Variants in POGLUT2 observed in about 807,000 individuals in gnomAD.
POGLUT2 encodes the protein protein O-glucosyltransferase 2, also known as ER protein 58.
Under a neutral mutation model 57.6 loss-of-function variants are expected in POGLUT2, and 47 were observed. The observed-to-expected ratio is 0.82, with a 90% CI of 0.65 to 1.04. POGLUT2 has a LOEUF of 1.04. Ranked by LOEUF, POGLUT2 falls within the 50% of genes least tolerant of loss-of-function variation. POGLUT2 has a pLI of 0.00. For synonymous variants in POGLUT2, 200 were observed against 218.8 expected, an observed-to-expected ratio of 0.91 and a Z score of 0.76; for missense variants, 565 against 614.8, an observed-to-expected ratio of 0.92 and a Z score of 0.86.
intron 9 of POGLUT2, among the ~76,000 whole-genome samples, chr13:102,785,522 C>T (rs560548779): frequency 6.6e-6 from 1 of 150,554 alleles, no homozygotes; most frequent in East Asian, 1.9e-4. Flanking sequence ...TTCCTTCAAA[C>T]AAACAAAAAT....
chr13:102,790,898 T>C lies in POGLUT2; in HGVS notation c.1083+3A>G, dbSNP rs778692858. On this transcript the variant is annotated splice_donor_region_variant and intron_variant, in intron 6 of 9. Transcript: ENST00000376004. ...AAAAGATTAGCTACTGATTAAGTCA[T>C]ACCTTGAAGAAATCAAAAAATGAAA... 2 of 1,550,614 alleles carry C rather than the reference T, an allele frequency of 1.3e-6. No homozygotes were observed. The highest frequency in any genetic ancestry group is 8.9e-7 in the Non-Finnish European group (1 of 1,122,346).
chr13:102,795,908 T>C (rs895050748), intron 2 of POGLUT2, among the ~76,000 whole-genome samples: 1 of 152,260 alleles, frequency 6.6e-6, no homozygotes, highest in Non-Finnish European at 1.5e-5. Context: ...TGCCTTTGTA[T>C]ATACACTGCT....
chr13:102,795,434 G>C (rs1878339870), intron 2 of POGLUT2, among the ~76,000 whole-genome samples: 1 of 152,012 alleles, frequency 6.6e-6, no homozygotes, highest in Non-Finnish European at 1.5e-5. Context: ...ATGGTGGTGA[G>C]TGCCTGTAGT....
chr13:102,793,747 C>T lies in POGLUT2; in HGVS notation c.448G>A (p.Glu150Lys), dbSNP rs1878272534. 1 of 1,614,196 alleles carries T rather than the reference C, an allele frequency of 6.2e-7. No homozygotes were observed. Among genetic ancestry groups the T allele is most frequent in the South Asian group, 1.1e-5 (1 of 91,072 alleles). The change falls in exon 3 of 10, where the codon GAG becomes AAG. Residue 150 changes from glutamate (E) to lysine (K), a missense_variant. Glu to Lys is a moderately conservative substitution (Grantham distance 56). Coordinates refer to ENST00000376004, the MANE Select transcript of POGLUT2 (RefSeq NM_024089.3). Reference protein sequence around the residue: ...PLQDSAAWLREMNCPETIAQI... With the variant: ...PLQDSAAWLRKMNCPETIAQI... ...GCAATGGTTTCAGGGCAGTTCATCT[C>T]CCGTAGCCAGGCTGCACTATCTTGC...
intron 7 of POGLUT2, among the ~76,000 whole-genome samples, chr13:102,788,797 T>C (rs1878054562): frequency 6.6e-6 from 1 of 152,186 alleles, no homozygotes; most frequent in Non-Finnish European, 1.5e-5. Flanking sequence ...AGCTTTTTGT[T>C]TCACATGCAG....
chr13:102,792,221 T>C lies in POGLUT2; in HGVS notation c.673-791A>G, dbSNP rs1383939775. ...TTTTCCATGAGTAGTTTAATCAAGA[T>C]ATACATGCAAATTATTCAACAAATA... is the stretch of plus-strand genomic sequence containing the variant. On this transcript the variant is annotated intron_variant, in intron 4 of 9. Transcript: ENST00000376004. 2.2e-5 allele frequency: 8 copies of C among 365,346 alleles called. No homozygotes were observed. In the East Asian group the frequency reaches 1.3e-3, roughly 60 times the overall value. The allele number at this position is 365,346 out of a possible 1,614,324, so 22.6% of individuals were successfully genotyped here. A position where few individuals can be genotyped will look rare whatever the true frequency, so the allele number is the denominator to read the frequency against.
Position 102,798,621 on chromosome 13 carries a change from G to A in POGLUT2, c.50C>T (p.Ala17Val). 1 of 1,612,040 alleles carries A rather than the reference G, an allele frequency of 6.2e-7. No homozygotes were observed. The highest frequency in any genetic ancestry group is 8.5e-7 in the Non-Finnish European group (1 of 1,179,146). ...CCTTTCTCCGCCGGTCTCGGCGAGTGCTGGAACTGTCGCCAGAAAGAAGCA... is the reference window on the plus strand; with the variant it reads ...CCTTTCTCCGCCGGTCTCGGCGAGTACTGGAACTGTCGCCAGAAAGAAGCA... ...LYCFFLATVP[A>V]LAETGGERQL... The change falls in exon 1 of 10, where the codon GCA (alanine) becomes GTA (valine). Residue 17 changes from alanine (A) to valine (V), a missense_variant. Physicochemically the swap from Ala to Val is moderately conservative, Grantham distance 64. Coordinates refer to ENST00000376004, the MANE Select transcript of POGLUT2 (RefSeq NM_024089.3).
At chr13:102,796,129 T>C (rs1305793794) in intron 2 of POGLUT2, among the ~76,000 whole-genome samples, 1 of 151,730 alleles carries the variant, frequency 6.6e-6, no homozygotes, top group African/African-American at 2.4e-5. Context: ...ATCCTGTCTC[T>C]ACTAAAAATA....
At chr13:102,787,514 G>A (rs1482533043) in intron 8 of POGLUT2, among the ~76,000 whole-genome samples, 3 of 152,210 alleles carry the variant, frequency 2.0e-5, no homozygotes, top group African/African-American at 7.2e-5. Context: ...AAATGGTAAG[G>A]CAGCAGCAAT....
At chr13:102,788,347 T>C (rs1878031784) in intron 7 of POGLUT2, among the ~76,000 whole-genome samples, 1 of 152,226 alleles carries the variant, frequency 6.6e-6, no homozygotes, top group East Asian at 1.9e-4. Context: ...ACCTGGAGCC[T>C]GTTAGTGACT....
At chr13:102,786,054 A>G (rs1433114631) in intron 9 of POGLUT2, among the ~76,000 whole-genome samples, 178 bp downstream of exon 9, 2 of 152,228 alleles carry the variant, frequency 1.3e-5, no homozygotes, top group Non-Finnish European at 2.9e-5. Context: ...GCATTGTAGC[A>G]TCCTTTCTTG....
intron 8 of POGLUT2, among the ~76,000 whole-genome samples, chr13:102,786,717 C>T (rs1877958606): frequency 6.6e-6 from 1 of 152,204 alleles, no homozygotes. Flanking sequence ...TCATCATCTT[C>T]ATTTATCATG....
At position 102,790,912 on chromosome 13, in the gene POGLUT2, C is replaced by A. The variant is rs1277897254; in HGVS notation, c.1072G>T (p.Asp358Tyr). ...GPIVKHISFFDFFKHKYQINI... is the reference protein window; with the variant it reads ...GPIVKHISFFYFFKHKYQINI... ...TGATTAAGTCATACCTTGAAGAAAT[C>A]AAAAAATGAAATATGTTTCACAATG... Residue 358 changes from aspartate to tyrosine, a missense_variant, in exon 6 of 10, where the codon GAT (aspartate) becomes TAT (tyrosine). Asp to Tyr is a radical substitution (Grantham distance 160). Coordinates refer to ENST00000376004, the MANE Select transcript of POGLUT2 (RefSeq NM_024089.3). 11 of 1,600,644 alleles carry A rather than the reference C, an allele frequency of 6.9e-6. No individual in the cohort carries two copies. Among genetic ancestry groups the A allele is most frequent in the South Asian group, 3.3e-5 (3 of 90,770 alleles).
intron 2 of POGLUT2, among the ~76,000 whole-genome samples, chr13:102,794,454 G>A (rs1271423795): frequency 6.6e-6 from 1 of 152,104 alleles, no homozygotes; most frequent in East Asian, 1.9e-4. Context: ...TTGAGGTCAG[G>A]AGTTTGAGAC....
At chr13:102,792,748 G>A (rs931770660) in intron 4 of POGLUT2, among the ~76,000 whole-genome samples, 2 of 152,138 alleles carry the variant, frequency 1.3e-5, no homozygotes, top group East Asian at 3.9e-4. Flanking sequence ...GGCAGGAAAG[G>A]AAAGGAAAGG....
chr13:102,793,522 A>T, intron 3 of POGLUT2, 79 bp downstream of exon 3: 1 of 1,394,740 alleles, frequency 7.2e-7, no homozygotes, highest in East Asian at 2.3e-5. Flanking sequence ...TTATAAAATG[A>T]TTTAGCTAAT....
chr13:102,798,086 C>T (rs1024364682), intron 1 of POGLUT2, among the ~76,000 whole-genome samples: 4 of 152,280 alleles, frequency 2.6e-5, no homozygotes, highest in Admixed American at 1.3e-4. Flanking sequence ...AGTTTCAAAA[C>T]ATGCTTACCT....
At chr13:102,797,614 C>A (rs1486478999) in intron 1 of POGLUT2, among the ~76,000 whole-genome samples, 1 of 151,944 alleles carries the variant, frequency 6.6e-6, no homozygotes, top group Admixed American at 6.6e-5. Context: ...AGGTGGCACA[C>A]GCCTGTAGTC....
At chr13:102,793,111 G>A in intron 4 of POGLUT2, 1 of 449,084 alleles carries the variant, frequency 2.2e-6, no homozygotes, top group Non-Finnish European at 4.0e-6. Context: ...CTCCATAACT[G>A]CCAGAGAATA....
Sources: gnomAD v4.1 joint callset for allele counts (sites outside exome capture counted in the v4.1 genomes callset) on GRCh38, gnomAD v4.1.1 for gene constraint, MANE v1.5 for transcripts, NCBI Gene and HGNC (gene_info 2026-07-23, HGNC 2026-07-21) for gene names.